Variants in ADAMTS2 observed in about 807,000 individuals in gnomAD.
ADAMTS2 encodes the protein ADAM metallopeptidase with thrombospondin type 1 motif 2.
A neutral mutation model predicts 123.0 loss-of-function variants in ADAMTS2; 50 were observed. The ratio of observed to expected loss-of-function variants is 0.41; its 90% CI spans 0.32 to 0.51. The LOEUF (loss-of-function observed/expected upper bound fraction) is 0.51. Among genes scored for constraint, ADAMTS2 ranks in the 20% least tolerant of loss-of-function variants. The pLI is 0.35. For missense variants in ADAMTS2, 1,494 were observed against 1,705.2 expected (o/e 0.88, Z 2.18); for synonymous variants, 678 against 695.4 (o/e 0.98, Z 0.39).
In ADAMTS2 at chr5:179,234,694, G is replaced by A. The variant is rs1237366668; in HGVS notation, c.689-26979C>T. The stretch of plus-strand genomic sequence containing the variant: ...GTGCCCATCTCATCTCCACATCCAA[G>A]GAGTCACCGCATCCTGGCACCTTCC... On this transcript the variant is annotated intron_variant, in intron 3 of 21. Coordinates refer to ENST00000251582, the MANE Select transcript of ADAMTS2 (RefSeq NM_014244.5). This position sits in a 1 kb window ranked among gnomAD's most constrained non-coding sequence, Gnocchi z 4.7. Among the ~76,000 whole-genome samples the A allele has an allele frequency of 1.3e-5, 2 of 152,074 alleles. No homozygotes were observed. Among genetic ancestry groups the A allele is most frequent in the African/African-American group, 4.8e-5 (2 of 41,398 alleles).
At chr5:179,150,486 G>A (rs2411905) in intron 10 of ADAMTS2, among the ~76,000 whole-genome samples, 94,872 of 152,102 alleles carry the variant, frequency 0.62, 29,664 homozygotes, top group South Asian at 0.65. Flanking sequence ...TCACAGCGGC[G>A]TGACTCACGA....
intron 2 of ADAMTS2, among the ~76,000 whole-genome samples, chr5:179,282,318 A>G (rs1281285458): frequency 6.6e-6 from 1 of 152,234 alleles, no homozygotes; most frequent in Non-Finnish European, 1.5e-5. Flanking sequence ...ATATTTGTGT[A>G]TGGTGTGAGG....
At chr5:179,337,594 A>G (rs1757650432) in intron 2 of ADAMTS2, among the ~76,000 whole-genome samples, 1 of 152,216 alleles carries the variant, frequency 6.6e-6, no homozygotes. Flanking sequence ...TGCCCAAGCC[A>G]GAGAGGCAGG....
At chr5:179,136,082 T>G in intron 12 of ADAMTS2, 40 bp from the exon 13 acceptor site, 1 of 1,612,870 alleles carries the variant, frequency 6.2e-7, no homozygotes, top group South Asian at 1.1e-5. Flanking sequence ...GGAGCCCTGA[T>G]GGCTTCCCCA....
intron 3 of ADAMTS2, among the ~76,000 whole-genome samples, chr5:179,245,282 T>A (rs1481586028): frequency 6.6e-6 from 1 of 150,838 alleles, no homozygotes; most frequent in African/African-American, 2.5e-5. Context: ...AAACAGATCC[T>A]CCCCGGAGGA....
rs759185076 is a variant in ADAMTS2 at position 179,154,059 on chromosome 5, G to C, written c.1372C>G (p.Arg458Gly). The C allele has an allele frequency of 4.4e-6, 7 of 1,603,266 alleles. No homozygotes were observed. The highest frequency in any genetic ancestry group is 5.9e-6 in the Non-Finnish European group (7 of 1,177,550). The change falls in exon 8 of 22, where the codon CGC (arginine) becomes GGC (glycine). Residue 458 changes from arginine to glycine, a missense_variant. Arg to Gly is a moderately radical substitution (Grantham distance 125). Around this residue, in one of 6 missense-constraint regions of ADAMTS2, gnomAD observed 953 missense variants for 1,124.7 expected, o/e 0.85. Coordinates refer to ENST00000251582, the MANE Select transcript of ADAMTS2 (RefSeq NM_014244.5). ...ATGGGCAGTACTCACTGCAGGTAGCGGCTCAGCTCCTGCTGGCTGCAGCGG... is the reference window on the plus strand; with the variant it reads ...ATGGGCAGTACTCACTGCAGGTAGCCGCTCAGCTCCTGCTGGCTGCAGCGG... ...WSRCSQQELS[R>G]YLHSYDCLLD...
chr5:179,322,307 C>A (rs766998228), intron 2 of ADAMTS2, among the ~76,000 whole-genome samples: 1 of 152,214 alleles, frequency 6.6e-6, no homozygotes, highest in Non-Finnish European at 1.5e-5. Flanking sequence ...GATGCACCCA[C>A]GGCCCGTGCC....
At chr5:179,167,329 G>A (rs1197182195) in intron 5 of ADAMTS2, among the ~76,000 whole-genome samples, 1 of 151,976 alleles carries the variant, frequency 6.6e-6, no homozygotes, top group African/African-American at 2.4e-5. Context: ...GGACGCACCC[G>A]GCGCCCAGAC....
Position 179,181,153 on chromosome 5 carries a change from G to A in ADAMTS2, c.894C>T (p.Val298=), listed in dbSNP as rs766163593. The change falls in exon 5 of 22, where the codon GTC becomes GTT. Residue 298 remains valine, a splice_region_variant and synonymous_variant. Coordinates refer to ENST00000251582, the MANE Select transcript of ADAMTS2 (RefSeq NM_014244.5). This position sits in a 1 kb window ranked among gnomAD's most constrained non-coding sequence, Gnocchi z 4.1. ...QKYLLTLMNI[V]NEIYHDESLG... is the part of the protein sequence containing the mutation. Reference sequence around the variant, plus strand: ...AGGACTCGTCATGGTAGATTTCATTGACCTGAAAGAAACAGGGAGGCATCA... The same window carrying A: ...AGGACTCGTCATGGTAGATTTCATTAACCTGAAAGAAACAGGGAGGCATCA... 5 of 1,612,950 alleles carry A rather than the reference G, an allele frequency of 3.1e-6. No homozygotes were observed. The highest frequency in any genetic ancestry group is 4.2e-6 in the Non-Finnish European group (5 of 1,179,134).
chr5:179,235,690 C>T lies in ADAMTS2; in HGVS notation c.689-27975G>A, dbSNP rs555115083. On this transcript the variant is annotated intron_variant, in intron 3 of 21. Coordinates refer to ENST00000251582, the MANE Select transcript of ADAMTS2 (RefSeq NM_014244.5). ...GGGCAGAGAGGAAGGAGAGGGGAAG[C>T]GGGGTGGACCACCTCTGCTCAGACC... Among the ~76,000 whole-genome samples the T allele has an allele frequency of 1.2e-4, 19 of 152,320 alleles. No homozygotes were observed. In the South Asian group the frequency reaches 3.5e-3, roughly 28 times the overall value.
At chr5:179,198,446 C>A (rs892370197) in intron 4 of ADAMTS2, among the ~76,000 whole-genome samples, 5 of 152,318 alleles carry the variant, frequency 3.3e-5, no homozygotes, top group African/African-American at 1.2e-4. Flanking sequence ...GGGGCCTCAG[C>A]ATCTCTGACC....
chr5:179,274,407 A>G (rs1766634746), intron 2 of ADAMTS2, among the ~76,000 whole-genome samples: 1 of 152,240 alleles, frequency 6.6e-6, no homozygotes, highest in South Asian at 2.1e-4. Flanking sequence ...TGAAAATCAG[A>G]AAAGCTGGCA....
chr5:179,275,334 G>A (rs1451711861), intron 2 of ADAMTS2, among the ~76,000 whole-genome samples: 3 of 152,118 alleles, frequency 2.0e-5, no homozygotes, highest in Admixed American at 6.5e-5. Flanking sequence ...TGGACAGGAC[G>A]TGGTAGGGTA....
In ADAMTS2 at chr5:179,304,984, G is replaced by A. The variant is rs1756632037; in HGVS notation, c.535-31920C>T. 2.0e-5 allele frequency among the ~76,000 whole-genome samples: 3 copies of A among 151,400 alleles called. 1 individual carries two copies. In the South Asian group the frequency reaches 6.3e-4, roughly 32 times the overall value. ...GTGCATTACTTATAGGGGAAAAATG[G>A]TTCAGATAACTGCAGATTTCTTATC... is the stretch of plus-strand genomic sequence containing the variant. On this transcript the variant is annotated intron_variant, in intron 2 of 21. Transcript: ENST00000251582.
In ADAMTS2 at chr5:179,260,926, C is replaced by A. The variant is rs1766203328; in HGVS notation, c.688+11985G>T. ...CAGGACTACCGTGCCTATTAAATGA[C>A]ACCATGAAGAGTGCCCACCTTCGCG... On this transcript the variant is annotated intron_variant, in intron 3 of 21. Coordinates refer to ENST00000251582, the MANE Select transcript of ADAMTS2 (RefSeq NM_014244.5). This position sits in a 1 kb window ranked among gnomAD's most constrained non-coding sequence, Gnocchi z 4.2. 6.6e-6 allele frequency among the ~76,000 whole-genome samples: 1 copy of A among 152,124 alleles called. No individual in the cohort carries two copies. The highest frequency in any genetic ancestry group is 2.4e-5 in the African/African-American group (1 of 41,416).
At chr5:179,306,062 G>A (rs1424923830) in intron 2 of ADAMTS2, among the ~76,000 whole-genome samples, 1 of 151,890 alleles carries the variant, frequency 6.6e-6, no homozygotes, top group African/African-American at 2.4e-5. Flanking sequence ...GGAAAAAATG[G>A]CACCAATTCT....
intron 21 of ADAMTS2, among the ~76,000 whole-genome samples, chr5:179,116,077 TG>T (rs1267038338): frequency 6.6e-6 from 1 of 152,082 alleles, no homozygotes; most frequent in Non-Finnish European, 1.5e-5. Flanking sequence ...GCCAAACACC[TG>T]GGTGCCCCGT....
intron 4 of ADAMTS2, among the ~76,000 whole-genome samples, chr5:179,205,824 T>C (rs1408528109): frequency 6.6e-6 from 1 of 151,530 alleles, no homozygotes; most frequent in East Asian, 1.9e-4. Context: ...GAGGCTAGAG[T>C]GCAGTGGTGC....
intron 4 of ADAMTS2, among the ~76,000 whole-genome samples, chr5:179,204,231 A>G (rs1430015036): frequency 1.3e-5 from 2 of 152,214 alleles, no homozygotes; most frequent in Admixed American, 1.3e-4. Context: ...GCACAGTTTC[A>G]ATTTTACAAG....
Sources: allele counts gnomAD v4.1 joint callset (sites outside exome capture counted in the v4.1 genomes callset), GRCh38; gene constraint gnomAD v4.1.1; regional missense constraint gnomAD v4.1.1; non-coding constraint Gnocchi (gnomAD v3.1); transcripts MANE v1.5; gene names NCBI Gene and HGNC (gene_info 2026-07-23, HGNC 2026-07-21).